TNPO1: variants seen among roughly 807,000 people sequenced by gnomAD.
TNPO1 encodes transportin 1, also known as transportin-1.
A neutral mutation model predicts 119.5 loss-of-function variants in TNPO1; 8 were observed. That is an observed-to-expected ratio of 0.07 (90% CI 0.04 to 0.12). The LOEUF (loss-of-function observed/expected upper bound fraction) is 0.12. Ranked by LOEUF, TNPO1 falls within the 10% of genes least tolerant of loss-of-function variation. The pLI is 1.00. For synonymous variants in TNPO1, 362 were observed against 363.0 expected (o/e 1.00, Z 0.03); for missense variants, 576 against 1,089.8 (o/e 0.53, Z 6.64).
chr5:72,855,964 C>G (rs1212521146), intron 4 of TNPO1, 41 bp downstream of exon 4: 3 of 1,597,426 alleles, frequency 1.9e-6, no homozygotes, highest in Admixed American at 3.4e-5. Flanking sequence ...TTGTTTGTAA[C>G]TGGGTCATTT....
intron 3 of TNPO1, among the ~76,000 whole-genome samples, chr5:72,853,004 T>A (rs1745699396): frequency 6.6e-6 from 1 of 152,236 alleles, no homozygotes; most frequent in Non-Finnish European, 1.5e-5. Flanking sequence ...TTTGAAATTT[T>A]TAAATTTATT....
At position 72,831,217 on chromosome 5, in the gene TNPO1, A is replaced by G. The variant is rs539503924; in HGVS notation, c.15+14465A>G. On this transcript the variant is annotated intron_variant, in intron 1 of 24. Transcript: ENST00000337273. Reference sequence around the variant, plus strand: ...TATTTCTGCAGAAGTCTCAAGAACCATTGTAGAAGAATATAGGCCCTCTTT... The same window carrying G: ...TATTTCTGCAGAAGTCTCAAGAACCGTTGTAGAAGAATATAGGCCCTCTTT... 8.1e-4 allele frequency among the ~76,000 whole-genome samples: 124 copies of G among 152,212 alleles called. 1 individual carries two copies. The highest frequency in any genetic ancestry group is 2.8e-3 in the African/African-American group (116 of 41,586).
At chr5:72,877,404 A>G in intron 9 of TNPO1, 58 bp downstream of exon 9, 2 of 806,208 alleles carry the variant, frequency 2.5e-6, no homozygotes, top group Non-Finnish European at 3.9e-6. Context: ...GTGATTCTTC[A>G]TTTTCATATT....
At position 72,865,709 on chromosome 5, in the gene TNPO1, G is replaced by C. The variant is rs778551975; in HGVS notation, c.576G>C (p.Lys192Asn). 4 of 1,613,568 alleles carry C rather than the reference G, an allele frequency of 2.5e-6. No homozygotes were observed. The highest frequency in any genetic ancestry group is 3.4e-6 in the Non-Finnish European group (4 of 1,179,820). Reference protein sequence around the residue: ...IMIPKFLQFFKHSSPKIRSHA... With the variant: ...IMIPKFLQFFNHSSPKIRSHA... ...TTCCCAAATTTTTACAGTTCTTCAAGCATAGTAGTCCAAAAATAAGGTACT... is the reference window on the plus strand; with the variant it reads ...TTCCCAAATTTTTACAGTTCTTCAACCATAGTAGTCCAAAAATAAGGTACT... Residue 192 changes from lysine to asparagine, a missense_variant, in exon 6 of 25, where the codon AAG (lysine) becomes AAC (asparagine). Physicochemically the swap from Lys to Asn is moderately conservative, Grantham distance 94. Around this residue, in one of 6 missense-constraint regions of TNPO1, gnomAD observed 310 missense variants for 583.0 expected, o/e 0.53. Transcript: ENST00000337273.
intron 16 of TNPO1, 26 bp downstream of exon 16, chr5:72,893,272 T>C (rs370064821): frequency 7.5e-6 from 12 of 1,608,222 alleles, no homozygotes; most frequent in African/African-American, 4.0e-5. Flanking sequence ...TGTCTTCCTC[T>C]TCTTGACATG....
intron 5 of TNPO1, 88 bp from the exon 6 acceptor site, chr5:72,865,508 T>G: frequency 1.4e-6 from 2 of 1,398,388 alleles, no homozygotes; most frequent in Non-Finnish European, 2.0e-6. Flanking sequence ...AGAACATTAG[T>G]CCATACAAAT....
At chr5:72,904,057 A>G (rs908714142) in intron 23 of TNPO1, among the ~76,000 whole-genome samples, 2 of 152,214 alleles carry the variant, frequency 1.3e-5, no homozygotes, top group Non-Finnish European at 2.9e-5. Flanking sequence ...GGAAAATAGT[A>G]TATGTTTTTC....
In TNPO1 at chr5:72,897,129, A is replaced by G; in HGVS notation, c.2316A>G (p.Pro772=). The change falls in exon 20 of 25, where the codon CCA becomes CCG. Residue 772 remains proline, a synonymous_variant. Coordinates refer to ENST00000337273, the MANE Select transcript of TNPO1 (RefSeq NM_002270.4). ...LVEIINRPNT[P]KTLLENTAIT... ...AAATCATTAACAGACCCAACACACC[A>G]AAGACGTTGTTAGAGAATACAGGTA... The G allele has an allele frequency of 6.2e-7, 1 of 1,610,376 alleles. No homozygotes were observed. Among genetic ancestry groups the G allele is most frequent in the South Asian group, 1.1e-5 (1 of 90,446 alleles).
intron 1 of TNPO1, among the ~76,000 whole-genome samples, chr5:72,828,145 C>T (rs1041925583): frequency 2.0e-5 from 3 of 152,012 alleles, no homozygotes; most frequent in African/African-American, 7.2e-5. Flanking sequence ...CGAGGAGAAC[C>T]AGTGAGATGT....
chr5:72,881,961 T>G (rs1358324380), intron 9 of TNPO1, among the ~76,000 whole-genome samples: 1 of 152,216 alleles, frequency 6.6e-6, no homozygotes, highest in Non-Finnish European at 1.5e-5. Context: ...GGACTTACTG[T>G]CTTCACTTCT....
At chr5:72,877,157 A>G (rs1747856621) in intron 8 of TNPO1, 71 bp from the exon 9 acceptor site, 2 of 739,366 alleles carry the variant, frequency 2.7e-6, no homozygotes, top group African/African-American at 1.8e-5. Flanking sequence ...AGCTTGCTTG[A>G]TAATAGGACT....
chr5:72,855,139 G>A (rs530331339), intron 3 of TNPO1, among the ~76,000 whole-genome samples: 2 of 152,068 alleles, frequency 1.3e-5, no homozygotes, highest in South Asian at 2.1e-4. Context: ...TGGATTAAAG[G>A]CACACACCAC....
intron 1 of TNPO1, among the ~76,000 whole-genome samples, chr5:72,834,331 T>A (rs972512929): frequency 6.6e-6 from 1 of 152,194 alleles, no homozygotes; most frequent in Non-Finnish European, 1.5e-5. Context: ...CTCAGCCAGG[T>A]CCTTCAGGAG....
intron 4 of TNPO1, among the ~76,000 whole-genome samples, chr5:72,859,619 G>GTAATT (rs1290501397): frequency 2.0e-5 from 3 of 152,130 alleles, no homozygotes; most frequent in Non-Finnish European, 2.9e-5. Flanking sequence ...TGACTGTGGG[G>GTAATT]TAATTCATCA....
Position 72,848,516 on chromosome 5 carries a change from T to G in TNPO1, c.129+18T>G. ...TGCAACAAGTATCCTTTCCGAGGCC[T>G]GGCCGCCACCCGCGCAGCTCGCCCC... On this transcript the variant is annotated intron_variant, in intron 2 of 24. Coordinates refer to ENST00000337273, the MANE Select transcript of TNPO1 (RefSeq NM_002270.4). 6.7e-7 allele frequency: 1 copy of G among 1,495,404 alleles called. No homozygotes were observed. Among genetic ancestry groups the G allele is most frequent in the Non-Finnish European group, 9.0e-7 (1 of 1,110,920 alleles). 92.6% of individuals were successfully genotyped at this position (1,495,404 alleles called of 1,614,324 possible). A position where few individuals can be genotyped will look rare whatever the true frequency, so the allele number is the denominator to read the frequency against.
Position 72,893,366 on chromosome 5 carries a change from T to G in TNPO1, c.1897-11T>G. 1 of 1,611,648 alleles carries G rather than the reference T, an allele frequency of 6.2e-7. No homozygotes were observed. On this transcript the variant is annotated splice_polypyrimidine_tract_variant and intron_variant, in intron 16 of 24. Transcript: ENST00000337273. ...AACCAAACTTACAAAAAACATTGTG[T>G]CTAATTTCAGCTAAACAATGCTCAA...
At chr5:72,879,352 A>G (rs1748057631) in intron 9 of TNPO1, among the ~76,000 whole-genome samples, 1 of 152,234 alleles carries the variant, frequency 6.6e-6, no homozygotes, top group African/African-American at 2.4e-5. Flanking sequence ...AACATTAGAG[A>G]TGATGTTAAA....
At position 72,912,851 on chromosome 5, in the gene TNPO1, A is replaced by G. The variant is rs1351903766; in HGVS notation, c.*4178A>G. 1 of 152,516 alleles carries G rather than the reference A, an allele frequency of 6.6e-6. No homozygotes were observed. Among genetic ancestry groups the G allele is most frequent in the Non-Finnish European group, 1.5e-5 (1 of 67,924 alleles). 9.4% of individuals were successfully genotyped at this position (152,516 alleles called of 1,614,324 possible). A position where few individuals can be genotyped will look rare whatever the true frequency, so the allele number is the denominator to read the frequency against. ...AATCTATATTATTCATATTGAATGT[A>G]TTAACAGATAATGGTGCAAAAGCAT... On this transcript the variant is annotated 3_prime_UTR_variant, in exon 25 of 25. Transcript: ENST00000337273.
intron 1 of TNPO1, 163 bp from the exon 2 acceptor site, chr5:72,848,222 C>G: frequency 1.6e-6 from 2 of 1,257,210 alleles, no homozygotes; most frequent in Non-Finnish European, 2.0e-6. Context: ...GTTTCACTGT[C>G]CGTGACTTCC....
Sources: gnomAD v4.1 joint callset for allele counts (sites outside exome capture counted in the v4.1 genomes callset) on GRCh38, gnomAD v4.1.1 for gene constraint, gnomAD v4.1.1 regional missense constraint, MANE v1.5 for transcripts, NCBI Gene and HGNC (gene_info 2026-07-23, HGNC 2026-07-21) for gene names.